The following CFLAR variants were observed in gnomAD, a reference collection of about 807,000 sequenced individuals.
CFLAR encodes the protein CASP8 and FADD-like apoptosis regulator.
In CFLAR, 14 loss-of-function variants were observed where a neutral mutation model predicts 51.1. The ratio of observed to expected loss-of-function variants is 0.27; its 90% confidence interval spans 0.18 to 0.43. The LOEUF is 0.43. Ranked by LOEUF, CFLAR falls within the 20% of genes least tolerant of loss-of-function variation. The pLI is 1.00. For synonymous variants in CFLAR, 210 were observed against 211.6 expected, an observed-to-expected ratio of 0.99 and a Z score of 0.06; for missense variants, 390 against 566.5, an observed-to-expected ratio of 0.69 and a Z score of 3.16.
At chr2:201,157,138 C>G (rs573559792) in intron 8 of CFLAR, among the ~76,000 whole-genome samples, 10 of 152,278 alleles carry the variant, frequency 6.6e-5, no homozygotes, top group African/African-American at 2.4e-4. Context: ...ACAGAAATCT[C>G]ATTGGATCCT....
intron 5 of CFLAR, chr2:201,141,673 A>G (rs1330932073): frequency 8.3e-7 from 1 of 1,210,114 alleles, no homozygotes; most frequent in East Asian, 4.0e-5. Flanking sequence ...TGATGAAACA[A>G]AAGATTTTTG....
At chr2:201,159,616 A>T (rs1050942818) in intron 8 of CFLAR, among the ~76,000 whole-genome samples, 2 of 152,182 alleles carry the variant, frequency 1.3e-5, no homozygotes, top group Non-Finnish European at 2.9e-5. Context: ...CCAATAATTC[A>T]TTGTTTAATC....
At chr2:201,139,889 CTG>C (rs1938130654) in intron 4 of CFLAR, 1 of 156,616 alleles carries the variant, frequency 6.4e-6, no homozygotes, top group Admixed American at 6.5e-5. Flanking sequence ...TACTTTGCGT[CTG>C]TGTCTTTCTT....
intron 6 of CFLAR, among the ~76,000 whole-genome samples, chr2:201,147,125 G>A (rs1940344421): frequency 6.6e-6 from 1 of 152,098 alleles, no homozygotes; most frequent in Admixed American, 6.6e-5. Context: ...TTTTATCCTT[G>A]GTCATAATTG....
chr2:201,135,184 C>T (rs1299188314), intron 3 of CFLAR, among the ~76,000 whole-genome samples: 12 of 152,120 alleles, frequency 7.9e-5, no homozygotes, highest in Non-Finnish European at 1.0e-4. Flanking sequence ...TGAGTCAGAA[C>T]GTCAGAATGA....
intron 5 of CFLAR, chr2:201,140,709 T>G: frequency 3.3e-6 from 1 of 301,062 alleles, no homozygotes; most frequent in Non-Finnish European, 6.1e-6. Flanking sequence ...TTTGGTATAT[T>G]TCCTTCTAGA....
rs1185455102 is a variant in CFLAR, at chr2:201,124,625, G to A, written c.-137-5104G>A. ...GCTGGGATTACAGGTGTGAGCCACC[G>A]CGCCTGGCCAGTTCAGGCATGAACT... is the stretch of plus-strand genomic sequence containing the variant. On this transcript the variant is annotated intron_variant, in intron 1 of 9. Transcript: ENST00000309955. The surrounding 1 kb of genome is among the most constrained non-coding windows in gnomAD (Gnocchi z 4.7). 6.6e-6 allele frequency among the ~76,000 whole-genome samples: 1 copy of A among 152,282 alleles called. No homozygotes were observed. Among genetic ancestry groups the A allele is most frequent in the Non-Finnish European group, 1.5e-5 (1 of 68,028 alleles).
chr2:201,173,073 C>T lies in CFLAR; in HGVS notation c.*9100C>T, dbSNP rs1484313545. 1 of 152,180 alleles carries T rather than the reference C, an allele frequency of 6.6e-6. No homozygotes were observed. The highest frequency in any genetic ancestry group is 1.5e-5 in the Non-Finnish European group (1 of 68,076). 9.4% of individuals were successfully genotyped at this position (152,180 alleles called of 1,614,324 possible). On this transcript the variant is annotated 3_prime_UTR_variant, in exon 10 of 10. Transcript: ENST00000309955. Reference sequence around the variant, plus strand: ...TTGAGACGGAGTCTCACTCTGTCGCCCAGGGTGGAGTGCAGTGGCGTTATC... The same window carrying T: ...TTGAGACGGAGTCTCACTCTGTCGCTCAGGGTGGAGTGCAGTGGCGTTATC...
Position 201,132,823 on chromosome 2 carries a change from C to T in CFLAR, c.282-206C>T, listed in dbSNP as rs551977403. Reference sequence around the variant, plus strand: ...AAAGGATGTACCATCTCCTATTAAACGGGCAAGGACAAGTTCCCTTTTCTG... The same window carrying T: ...AAAGGATGTACCATCTCCTATTAAATGGGCAAGGACAAGTTCCCTTTTCTG... On this transcript the variant is annotated intron_variant, in intron 2 of 9. Transcript: ENST00000309955. 32 of 419,050 alleles carry T rather than the reference C, an allele frequency of 7.6e-5. 1 individual carries two copies. The highest frequency in any genetic ancestry group is 1.8e-4 in the African/African-American group (9 of 49,678). The allele number at this position is 419,050 out of a possible 1,614,324, so 26.0% of individuals were successfully genotyped here. A position where few individuals can be genotyped will look rare whatever the true frequency, so the allele number is the denominator to read the frequency against.
rs1231317216 is a variant in CFLAR, at chr2:201,124,440, C to T, written c.-137-5289C>T. 6.6e-6 allele frequency among the ~76,000 whole-genome samples: 1 copy of T among 152,150 alleles called. No individual in the cohort carries two copies. Among genetic ancestry groups the T allele is most frequent in the Non-Finnish European group, 1.5e-5 (1 of 68,034 alleles). On this transcript the variant is annotated intron_variant, in intron 1 of 9. Transcript: ENST00000309955. This position sits in a 1 kb window ranked among gnomAD's most constrained non-coding sequence, Gnocchi z 4.7. Reference sequence around the variant, plus strand: ...ACCTCCACCTCCCAGGCTCAAGAGACTTTTGTGCCTCAACCCCTCGAGTAG... The same window carrying T: ...ACCTCCACCTCCCAGGCTCAAGAGATTTTTGTGCCTCAACCCCTCGAGTAG...
At position 201,167,369 on chromosome 2, in the gene CFLAR, G is replaced by C. The variant is rs1271958342; in HGVS notation, c.*3396G>C. On this transcript the variant is annotated 3_prime_UTR_variant, in exon 10 of 10. Transcript: ENST00000309955. ...AAAAGACAAAATTTAGCTGAGCGTG[G>C]TGGCGTGTTCCTGTAGTCCCAGCTA... is the stretch of plus-strand genomic sequence containing the variant. 1 of 152,570 alleles carries C rather than the reference G, an allele frequency of 6.6e-6. No homozygotes were observed. The highest frequency in any genetic ancestry group is 1.5e-5 in the Non-Finnish European group (1 of 68,410). The allele number at this position is 152,570 out of a possible 1,614,324, so 9.5% of individuals were successfully genotyped here.
At chr2:201,122,677 A>G (rs1399181810) in intron 1 of CFLAR, 2 of 152,260 alleles carry the variant, frequency 1.3e-5, no homozygotes, top group African/African-American at 4.8e-5. Flanking sequence ...CAAAGCAGGA[A>G]GAGAGACTTG....
intron 3 of CFLAR, among the ~76,000 whole-genome samples, chr2:201,133,609 G>A (rs908165891): frequency 1.3e-5 from 2 of 152,052 alleles, no homozygotes; most frequent in African/African-American, 2.4e-5. Context: ...GGTGTATCTG[G>A]GAAATGGTAA....
intron 5 of CFLAR, chr2:201,141,506 T>A: frequency 3.4e-6 from 5 of 1,474,946 alleles, no homozygotes; most frequent in Non-Finnish European, 4.5e-6. Flanking sequence ...TGTTATAATG[T>A]GTTTAGCCCT....
chr2:201,171,572 T>C lies in CFLAR; in HGVS notation c.*7599T>C, dbSNP rs1461426683. Reference sequence around the variant, plus strand: ...GGGGCTTAATACCTAGGTGATAGGTTGATAGGTGCAGCAAACCACCATGGG... The same window carrying C: ...GGGGCTTAATACCTAGGTGATAGGTCGATAGGTGCAGCAAACCACCATGGG... On this transcript the variant is annotated 3_prime_UTR_variant, in exon 10 of 10. Coordinates refer to ENST00000309955, the MANE Select transcript of CFLAR (RefSeq NM_003879.7). 3 of 152,032 alleles carry C rather than the reference T, an allele frequency of 2.0e-5. No homozygotes were observed. The highest frequency in any genetic ancestry group is 4.4e-5 in the Non-Finnish European group (3 of 68,016). The allele number at this position is 152,032 out of a possible 1,614,324, so 9.4% of individuals were successfully genotyped here. A position where few individuals can be genotyped will look rare whatever the true frequency, so the allele number is the denominator to read the frequency against.
In CFLAR at chr2:201,140,397, A is replaced by G; in HGVS notation, c.564A>G (p.Ala188=). The change falls in exon 5 of 10, where the codon GCA becomes GCG. Residue 188 remains alanine, a synonymous_variant. Coordinates refer to ENST00000309955, the MANE Select transcript of CFLAR (RefSeq NM_003879.7). The part of the protein sequence containing the change: ...AGTSYRNVLQ[A]AIQKSLKDPS... ...CAAGTTACAGGAATGTTCTCCAAGC[A>G]GCAATCCAAAAGAGTCTCAAGGATC... The G allele has an allele frequency of 4.3e-6, 7 of 1,611,200 alleles. No homozygotes were observed. Among genetic ancestry groups the G allele is most frequent in the Non-Finnish European group, 5.9e-6 (7 of 1,179,406 alleles).
rs2125852553 is a variant in CFLAR, at chr2:201,149,747, TTTC to T, written c.712-6_712-4del. The T allele has an allele frequency of 6.2e-7, 1 of 1,609,380 alleles. No individual in the cohort carries two copies. The highest frequency in any genetic ancestry group is 1.3e-5 in the African/African-American group (1 of 74,926). ...GAGTCTTTAGCATTTCTTGTCTTCC[TTTC>T]CAGAGCATACCTGAAGAGAGATACA... On this transcript the variant is annotated splice_polypyrimidine_tract_variant and splice_region_variant and intron_variant, in intron 7 of 9. Transcript: ENST00000309955.
At chr2:201,135,926 C>G (rs776083486) in intron 3 of CFLAR, 46 bp from the exon 4 acceptor site, 36 of 1,581,822 alleles carry the variant, frequency 2.3e-5, no homozygotes, top group Non-Finnish European at 3.1e-5. Flanking sequence ...TGCACCTGGC[C>G]TAGCTAGCTC....
At chr2:201,136,499 A>G in intron 4 of CFLAR, 1 of 1,577,872 alleles carries the variant, frequency 6.3e-7, no homozygotes, top group Non-Finnish European at 8.6e-7. Flanking sequence ...CTTGGGTCTC[A>G]TACCTTCCTT....
Sources: allele counts gnomAD v4.1 joint callset (sites outside exome capture counted in the v4.1 genomes callset), GRCh38; gene constraint gnomAD v4.1.1; non-coding constraint Gnocchi (gnomAD v3.1); transcripts MANE v1.5; gene names NCBI Gene and HGNC (gene_info 2026-07-23, HGNC 2026-07-21).